ARHGEF37: variants seen among roughly 807,000 people sequenced by gnomAD.
The protein encoded by ARHGEF37 is Rho guanine nucleotide exchange factor (GEF) 37.
In ARHGEF37, 55 loss-of-function variants were observed where a neutral mutation model predicts 71.1. The ratio of observed to expected loss-of-function variants is 0.77; its 90% CI spans 0.62 to 0.97. The LOEUF (loss-of-function observed/expected upper bound fraction) is 0.97, where lower values mean the gene tolerates loss of function less well. Ranked by LOEUF, ARHGEF37 falls within the 50% of genes least tolerant of loss-of-function variation. The pLI is 0.00. For synonymous variants in ARHGEF37, 327 were observed against 350.6 expected (o/e 0.93, Z 0.75); for missense variants, 765 against 836.8 (o/e 0.91, Z 1.06).
chr5:149,554,192 C>T (rs1056166730), intron 1 of ARHGEF37, among the ~76,000 whole-genome samples: 2 of 152,118 alleles, frequency 1.3e-5, no homozygotes, highest in Non-Finnish European at 2.9e-5. Flanking sequence ...AAGCTGCGTA[C>T]GGTGGCTCAT....
upstream of ARHGEF37, among the ~76,000 whole-genome samples, chr5:149,577,135 T>C (rs1372586325): frequency 1.3e-5 from 2 of 152,192 alleles, no homozygotes; most frequent in Non-Finnish European, 2.9e-5. Flanking sequence ...ATGAGCTATA[T>C]AATCTTGGAC....
At chr5:149,613,503 C>A (rs1261120934) in intron 4 of ARHGEF37, among the ~76,000 whole-genome samples, 1 of 151,960 alleles carries the variant, frequency 6.6e-6, no homozygotes, top group Non-Finnish European at 1.5e-5. Context: ...TGCGCCACCA[C>A]GCCCGGCTAA....
intron 11 of ARHGEF37, among the ~76,000 whole-genome samples, chr5:149,628,603 A>G (rs763322774): frequency 2.0e-5 from 3 of 152,082 alleles, no homozygotes; most frequent in Non-Finnish European, 2.9e-5. Context: ...TCCGGTAGGG[A>G]ATGAGCCCCC....
intron 4 of ARHGEF37, among the ~76,000 whole-genome samples, chr5:149,610,444 G>A (rs4705074): frequency 0.46 from 69,894 of 152,016 alleles, 17,102 homozygotes; most frequent in Non-Finnish European, 0.55. Flanking sequence ...AATGGGTAAC[G>A]TGATTATAAG....
intron 1 of ARHGEF37, among the ~76,000 whole-genome samples, chr5:149,552,813 A>G (rs1762699863): frequency 6.6e-6 from 1 of 152,008 alleles, no homozygotes; most frequent in African/African-American, 2.4e-5. Flanking sequence ...CCTGGGCAAC[A>G]GAGAGACCCT....
rs71587782 is a variant in ARHGEF37 at position 149,598,263 on chromosome 5, C to CTCCTCTTCTTCTTCT, written c.186+310_186+311insCTCTTCTTCTTCTTC. Among the ~76,000 whole-genome samples, 183 of 67,748 alleles carry CTCCTCTTCTTCTTCT rather than the reference C, an allele frequency of 2.7e-3. 1 individual carries two copies. The highest frequency in any genetic ancestry group is 3.6e-3 in the Admixed American group (20 of 5,538). 44.4% of individuals were successfully genotyped at this position (67,748 alleles called of 152,430 possible). ...GTTTGGAACAGATTGCTTAAACTGACTCTTCTTCTTCTTCTTCTTCTTCTT... is the reference window on the plus strand; with the variant it reads ...GTTTGGAACAGATTGCTTAAACTGACTCCTCTTCTTCTTCTTCTTCTTCTTCTTCTTCTTCTTCTT... On this transcript the variant is annotated intron_variant, in intron 2 of 12. Coordinates refer to ENST00000333677, the MANE Select transcript of ARHGEF37 (RefSeq NM_001001669.3).
chr5:149,577,164 G>A (rs10476913), upstream of ARHGEF37, among the ~76,000 whole-genome samples: 17,610 of 151,992 alleles, frequency 0.12, 1,349 homozygotes, highest in African/African-American at 0.19. Flanking sequence ...TAATCTTTCT[G>A]AGCCTCAATT....
intron 3 of ARHGEF37, among the ~76,000 whole-genome samples, chr5:149,604,064 A>G (rs949834379): frequency 6.6e-6 from 1 of 152,360 alleles, no homozygotes; most frequent in Non-Finnish European, 1.5e-5. Context: ...TCAGGCTGAA[A>G]ACATTCTAAG....
chr5:149,624,026 C>A lies in ARHGEF37; in HGVS notation c.1350C>A (p.His450Gln). 3.1e-6 allele frequency: 5 copies of A among 1,600,492 alleles called. No individual in the cohort carries two copies. The highest frequency in any genetic ancestry group is 1.3e-5 in the African/African-American group (1 of 74,842). The change falls in exon 10 of 13, where the codon CAC becomes CAA. Residue 450 changes from histidine to glutamine, a missense_variant. Around this residue, in one of 5 missense-constraint regions of ARHGEF37, gnomAD observed 390 missense variants for 407.4 expected, o/e 0.96. Coordinates refer to ENST00000333677, the MANE Select transcript of ARHGEF37 (RefSeq NM_001001669.3). Reference protein sequence around the residue: ...EGSMAQLPHHHVPEPAFRKLV... With the variant: ...EGSMAQLPHHQVPEPAFRKLV... ...TCCCCACTTAGCTGCCCCACCACCA[C>A]GTCCCAGAGCCTGCCTTCAGGAAGC...
At chr5:149,619,137 C>A in intron 7 of ARHGEF37, 95 bp downstream of exon 7, 1 of 1,042,976 alleles carries the variant, frequency 9.6e-7, no homozygotes, top group Non-Finnish European at 1.5e-6. Context: ...GGAAAGGCAC[C>A]AGCCTCAGAA....
intron 1 of ARHGEF37, among the ~76,000 whole-genome samples, chr5:149,552,814 G>A (rs1197418628): frequency 6.6e-6 from 1 of 151,810 alleles, no homozygotes; most frequent in African/African-American, 2.4e-5. Flanking sequence ...CTGGGCAACA[G>A]AGAGACCCTG....
upstream of ARHGEF37, among the ~76,000 whole-genome samples, chr5:149,580,389 A>G (rs933650014): frequency 3.3e-5 from 5 of 152,028 alleles, no homozygotes; most frequent in South Asian, 1.0e-3. Flanking sequence ...TGCAAGCTAT[A>G]CCACCCCTCT....
chr5:149,592,280 T>C (rs1763429286), intron 1 of ARHGEF37, among the ~76,000 whole-genome samples: 1 of 152,234 alleles, frequency 6.6e-6, no homozygotes, highest in Non-Finnish European at 1.5e-5. Flanking sequence ...GTTCTCTCTG[T>C]TACTATTCTT....
chr5:149,627,305 C>A, intron 11 of ARHGEF37, 34 bp downstream of exon 11: 1 of 1,595,036 alleles, frequency 6.3e-7, no homozygotes, highest in South Asian at 1.1e-5. Context: ...TCTTCTCCTT[C>A]GGGGAAAACC....
At chr5:149,576,817 C>G (rs1414611529), upstream of ARHGEF37, among the ~76,000 whole-genome samples, 1 of 151,972 alleles carries the variant, frequency 6.6e-6, no homozygotes, top group Non-Finnish European at 1.5e-5. Context: ...TTAGCCAGGC[C>G]TGGTGGTGTA....
chr5:149,619,222 A>T (rs1752465719), intron 7 of ARHGEF37, among the ~76,000 whole-genome samples, 180 bp downstream of exon 7: 1 of 152,154 alleles, frequency 6.6e-6, no homozygotes, highest in Non-Finnish European at 1.5e-5. Flanking sequence ...CCAGGCCATT[A>T]TACTGGGGGC....
intron 1 of ARHGEF37, among the ~76,000 whole-genome samples, chr5:149,558,279 G>A (rs960248669): frequency 1.3e-5 from 2 of 152,080 alleles, no homozygotes; most frequent in East Asian, 1.9e-4. Flanking sequence ...AGGCTGAGGC[G>A]GGCGGATCAC....
intron 4 of ARHGEF37, among the ~76,000 whole-genome samples, chr5:149,613,495 C>T (rs775230180): frequency 3.3e-5 from 5 of 151,782 alleles, no homozygotes; most frequent in South Asian, 2.1e-4. Flanking sequence ...TACAGGAGTG[C>T]GCCACCACGC....
intron 1 of ARHGEF37, among the ~76,000 whole-genome samples, chr5:149,584,727 A>G (rs1010640423): frequency 1.3e-5 from 2 of 151,976 alleles, no homozygotes; most frequent in African/African-American, 4.8e-5. Flanking sequence ...CTCCTGCCTC[A>G]GCCTCCTGAG....
Sources: gnomAD v4.1 joint callset for allele counts (sites outside exome capture counted in the v4.1 genomes callset) on GRCh38, gnomAD v4.1.1 for gene constraint, gnomAD v4.1.1 regional missense constraint, MANE v1.5 for transcripts, NCBI Gene and HGNC (gene_info 2026-07-23, HGNC 2026-07-21) for gene names.